The following KLHL13 variants were observed in gnomAD, a reference collection of about 807,000 sequenced individuals.
KLHL13 encodes the protein kelch-like protein 13.
A neutral mutation model predicts 37.1 loss-of-function variants in KLHL13; 10 were observed. That is an observed-to-expected ratio of 0.27 (90% CI 0.17 to 0.46). The LOEUF is 0.46. KLHL13 is among the 20% of genes least tolerant of loss of function. The pLI is 1.00. For synonymous variants in KLHL13, 163 were observed against 181.2 expected (o/e 0.90, Z 0.81); for missense variants, 360 against 509.3 (o/e 0.71, Z 2.82).
chrX:118,101,319 T>C (rs2055285979), intron 1 of KLHL13, among the ~76,000 whole-genome samples: 1 of 111,729 alleles, frequency 9.0e-6, no homozygotes, highest in Non-Finnish European at 1.9e-5. Context: ...CATTCATTCA[T>C]TTTCTTACCA....
chrX:117,925,872 T>C (rs1034350145), intron 2 of KLHL13, among the ~76,000 whole-genome samples: 42 of 111,278 alleles, frequency 3.8e-4, no homozygotes, highest in African/African-American at 1.3e-3. Context: ...TGTTGTTTTG[T>C]AGAGAAGGGG....
intron 1 of KLHL13, among the ~76,000 whole-genome samples, chrX:117,979,205 T>C (rs775979160): frequency 1.7e-4 from 19 of 112,380 alleles, no homozygotes; most frequent in Non-Finnish European, 3.2e-4. Context: ...TTGCTGGGAT[T>C]ACAGGCGTGA....
chrX:118,083,020 T>C (rs750523616), intron 1 of KLHL13, among the ~76,000 whole-genome samples: 1 of 111,911 alleles, frequency 8.9e-6, no homozygotes, highest in Non-Finnish European at 1.9e-5. Flanking sequence ...TCCTCCAGTT[T>C]TGTTCTTTTT....
intron 1 of KLHL13, among the ~76,000 whole-genome samples, chrX:118,091,774 A>T (rs1176761925): frequency 1.8e-5 from 2 of 111,184 alleles, no homozygotes; most frequent in Admixed American, 1.9e-4. Flanking sequence ...GCAAATCCCA[A>T]ATTGAATATA....
chrX:118,033,313 A>G (rs780936437), intron 1 of KLHL13, among the ~76,000 whole-genome samples: 1 of 111,475 alleles, frequency 9.0e-6, no homozygotes, highest in Non-Finnish European at 1.9e-5. Context: ...AGTTGAAATG[A>G]AGGAAAAAAT....
intron 2 of KLHL13, among the ~76,000 whole-genome samples, chrX:117,929,909 C>T (rs1932312101): frequency 1.8e-5 from 2 of 108,877 alleles, no homozygotes; most frequent in Middle Eastern, 4.7e-3. Context: ...TTGCAGTGAG[C>T]CAAAATCATG....
At position 118,015,206 on chromosome X, in the gene KLHL13, A is replaced by G. The variant is rs2054114467; in HGVS notation, c.-55-69631T>C. ...GAGCCTCACCCTTAACCACACTACT[A>G]TAACTAGATCATATTCAATAAGTAA... On this transcript the variant is annotated intron_variant, in intron 1 of 6. Coordinates refer to the KLHL13 transcript ENST00000371882. Among the ~76,000 whole-genome samples the G allele has an allele frequency of 2.7e-5, 3 of 111,857 alleles. No homozygotes were observed. In the South Asian group the frequency reaches 1.1e-3, roughly 42 times the overall value.
intron 4 of KLHL13, 134 bp downstream of exon 5, chrX:117,919,387 G>T: frequency 1.9e-6 from 1 of 531,033 alleles, no homozygotes; most frequent in Non-Finnish European, 3.3e-6. Flanking sequence ...ATCTCACCTT[G>T]CTTACAGACC....
chrX:118,095,137 A>G (rs1440427189), intron 1 of KLHL13, among the ~76,000 whole-genome samples: 2 of 111,728 alleles, frequency 1.8e-5, no homozygotes, highest in Non-Finnish European at 3.8e-5. Context: ...TGCTGCATTC[A>G]GGAAATGCAT....
intron 2 of KLHL13, among the ~76,000 whole-genome samples, chrX:117,938,877 T>C (rs1242097762): frequency 9.0e-6 from 1 of 111,098 alleles, no homozygotes; most frequent in Non-Finnish European, 1.9e-5. Context: ...TAAAAATCTA[T>C]CCTCATATGT....
At position 118,013,340 on chromosome X, in the gene KLHL13, C is replaced by T. The variant is rs1167885618; in HGVS notation, c.-55-67765G>A. ...AAGTAAAGATCTAGACAACAAGAGT[C>T]AGCCACATAAAGACCATGAACAAAA... On this transcript the variant is annotated intron_variant, in intron 1 of 6. Coordinates refer to the KLHL13 transcript ENST00000371882. Among the ~76,000 whole-genome samples the T allele has an allele frequency of 3.6e-5, 4 of 111,912 alleles. No homozygotes were observed. The Admixed American group carries it at 3.8e-4, about 11-fold the overall frequency.
chrX:118,072,453 T>C (rs1445020621), intron 1 of KLHL13, among the ~76,000 whole-genome samples: 2 of 111,984 alleles, frequency 1.8e-5, no homozygotes, highest in Non-Finnish European at 3.8e-5. Context: ...CCAAAAGCAA[T>C]GGCAACAAAA....
chrX:118,054,150 G>T (rs1018219637), intron 1 of KLHL13, among the ~76,000 whole-genome samples: 4 of 111,116 alleles, frequency 3.6e-5, no homozygotes, highest in African/African-American at 1.3e-4. Context: ...ATGCGTTTAA[G>T]CAAGCAGGTG....
intron 2 of KLHL13, among the ~76,000 whole-genome samples, chrX:117,928,961 A>G (rs1357280008): frequency 8.9e-6 from 1 of 111,913 alleles, no homozygotes; most frequent in East Asian, 2.8e-4. Context: ...TGAGAAAAAG[A>G]GAGAATATAC....
intron 1 of KLHL13, among the ~76,000 whole-genome samples, chrX:117,997,064 G>A (rs1242309144): frequency 9.1e-6 from 1 of 110,148 alleles, no homozygotes; most frequent in African/African-American, 3.4e-5. Flanking sequence ...AAATGCTTTC[G>A]GGAAGACTCA....
At chrX:117,950,512 A>C (rs1933537335) in intron 1 of KLHL13, among the ~76,000 whole-genome samples, 1 of 112,060 alleles carries the variant, frequency 8.9e-6, no homozygotes, top group South Asian at 3.7e-4. Flanking sequence ...ATTAGTGTCA[A>C]AAGTATAATA....
At chrX:118,091,318 G>A (rs944670878) in intron 1 of KLHL13, among the ~76,000 whole-genome samples, 9 of 111,494 alleles carry the variant, frequency 8.1e-5, no homozygotes, top group African/African-American at 2.9e-4. Context: ...AGATGACAGC[G>A]ATGTTAGAAT....
At chrX:118,049,619 T>C (rs1342840533) in intron 1 of KLHL13, among the ~76,000 whole-genome samples, 1 of 109,794 alleles carries the variant, frequency 9.1e-6, no homozygotes, top group Non-Finnish European at 1.9e-5. Context: ...AATTGATAGG[T>C]CTATCTGGTA....
intron 1 of KLHL13, among the ~76,000 whole-genome samples, chrX:118,022,651 T>C (rs2054230837): frequency 1.8e-5 from 2 of 112,492 alleles, no homozygotes; most frequent in African/African-American, 6.4e-5. Flanking sequence ...AAAATATATC[T>C]ATTCAGGTCC....
Sources: gnomAD v4.1 joint callset for allele counts (sites outside exome capture counted in the v4.1 genomes callset) on GRCh38, gnomAD v4.1.1 for gene constraint, MANE v1.5 for transcripts, NCBI Gene and HGNC (gene_info 2026-07-23, HGNC 2026-07-21) for gene names.